Variants in MX2 observed in about 807,000 individuals in gnomAD.
The protein encoded by MX2 is MX dynamin like GTPase 2.
A neutral mutation model predicts 74.0 loss-of-function variants in MX2; 51 were observed. The ratio of observed to expected loss-of-function variants is 0.69; its 90% CI spans 0.55 to 0.87. The LOEUF is 0.87. MX2 is among the 40% of genes least tolerant of loss of function. The probability of loss-of-function intolerance (pLI) is 0.00; values close to 1 mark genes in which losing one functional copy is unlikely to be tolerated. For missense variants in MX2, 832 were observed against 908.7 expected (o/e 0.92, Z 1.09); for synonymous variants, 369 against 339.3 (o/e 1.09, Z -0.96).
chr21:41,380,065 G>A lies in MX2; in HGVS notation c.491G>A (p.Cys164Tyr). The A allele has an allele frequency of 1.2e-6, 2 of 1,614,056 alleles. No individual in the cohort carries two copies. Among genetic ancestry groups the A allele is most frequent in the Non-Finnish European group, 1.7e-6 (2 of 1,179,926 alleles). The change falls in exon 4 of 14, where the codon TGT becomes TAT. Residue 164 changes from cysteine (C) to tyrosine (Y), a missense_variant. Coordinates refer to ENST00000330714, the MANE Select transcript of MX2 (RefSeq NM_002463.2). The surrounding 1 kb of genome is among the most constrained non-coding windows in gnomAD (Gnocchi z 4.3). ...GTGCTGAAACTGAAAAAGCAGCCCTGTGAGGCATGGGCCGGAAGGATCAGC... is the reference window on the plus strand; with the variant it reads ...GTGCTGAAACTGAAAAAGCAGCCCTATGAGGCATGGGCCGGAAGGATCAGC... ...PLVLKLKKQPCEAWAGRISYR... is the reference protein window; with the variant it reads ...PLVLKLKKQPYEAWAGRISYR...
intron 2 of MX2, among the ~76,000 whole-genome samples, 196 bp downstream of exon 2, chr21:41,377,351 C>T (rs140328838): frequency 2.1e-3 from 315 of 152,354 alleles, no homozygotes; most frequent in African/African-American, 7.2e-3. Context: ...GCTGCTGCGA[C>T]GTGGGTCTGG....
In MX2 at chr21:41,402,313, A is replaced by G; in HGVS notation, c.1573+185A>G. The stretch of plus-strand genomic sequence containing the variant: ...CACTGGCAAGGCCTGAGAGCTGGTC[A>G]GAGCTACCGATTCTGCCCTTCTGCC... On this transcript the variant is annotated intron_variant, in intron 11 of 13. Transcript: ENST00000330714. This position sits in a 1 kb window ranked among gnomAD's most constrained non-coding sequence, Gnocchi z 4.5. 2 of 622,978 alleles carry G rather than the reference A, an allele frequency of 3.2e-6. No homozygotes were observed. The highest frequency in any genetic ancestry group is 6.2e-5 in the South Asian group (2 of 32,402). The allele number at this position is 622,978 out of a possible 1,614,324, so 38.6% of individuals were successfully genotyped here. A position where few individuals can be genotyped will look rare whatever the true frequency, so the allele number is the denominator to read the frequency against.
intron 7 of MX2, 102 bp downstream of exon 7, chr21:41,395,887 A>G: frequency 8.6e-7 from 1 of 1,159,236 alleles, no homozygotes; most frequent in Non-Finnish European, 1.2e-6. Flanking sequence ...CAAATTACAC[A>G]AGGTAGTATA....
Position 41,408,287 on chromosome 21 carries a change from G to T in MX2, c.*54G>T. On this transcript the variant is annotated 3_prime_UTR_variant, in exon 14 of 14. Coordinates refer to ENST00000330714, the MANE Select transcript of MX2 (RefSeq NM_002463.2). ...TGTGCGTACTCATTCATTCTAAGGGGAGTCGGTGCAGGATGCCGCTTCTGC... is the reference window on the plus strand; with the variant it reads ...TGTGCGTACTCATTCATTCTAAGGGTAGTCGGTGCAGGATGCCGCTTCTGC... The T allele has an allele frequency of 6.3e-7, 1 of 1,594,978 alleles. No individual in the cohort carries two copies. The highest frequency in any genetic ancestry group is 8.5e-7 in the Non-Finnish European group (1 of 1,170,210).
At chr21:41,372,340 A>G (rs449393) in intron 1 of MX2, among the ~76,000 whole-genome samples, 122,980 of 151,704 alleles carry the variant, frequency 0.81, 50,019 homozygotes, top group East Asian at 0.99. Flanking sequence ...GCACTCAAGG[A>G]CAGGTGTTCT....
intron 6 of MX2, among the ~76,000 whole-genome samples, chr21:41,390,954 CG>C (rs2089651139): frequency 6.6e-6 from 1 of 150,926 alleles, no homozygotes; most frequent in East Asian, 1.9e-4. Context: ...TGCAGTGAGC[CG>C]AGATCATGCC....
At position 41,382,432 on chromosome 21, in the gene MX2, T is replaced by C; in HGVS notation, c.600T>C (p.Asn200=). 1.2e-6 allele frequency: 2 copies of C among 1,614,154 alleles called. No homozygotes were observed. The highest frequency in any genetic ancestry group is 1.7e-6 in the Non-Finnish European group (2 of 1,180,042). Residue 200 remains asparagine (N), a synonymous_variant, in exon 5 of 14, where the codon AAT becomes AAC. Transcript: ENST00000330714. ...IHKAQNVMAG[N]GRGISHELIS... The stretch of plus-strand genomic sequence containing the variant: ...TAGCCCAGAACGTCATGGCCGGGAA[T>C]GGCCGGGGCATCAGCCATGAGCTCA...
chr21:41,395,996 G>A (rs1191325473), intron 7 of MX2, among the ~76,000 whole-genome samples: 2 of 152,336 alleles, frequency 1.3e-5, no homozygotes, highest in South Asian at 2.1e-4. Context: ...AAACTGGAAT[G>A]TGTCATGACA....
chr21:41,399,046 G>T, intron 9 of MX2, 27 bp downstream of exon 9: 1 of 1,605,316 alleles, frequency 6.2e-7, no homozygotes, highest in South Asian at 1.1e-5. Context: ...GACTCCACGT[G>T]ACACTGCATC....
In MX2 at chr21:41,395,706, C is replaced by G; in HGVS notation, c.991C>G (p.Gln331Glu). ...CATGATTGTGAAGTGCCGGGGCCAG[C>G]AGGAGATCACAAACAGGCTGAGCTT... is the stretch of plus-strand genomic sequence containing the variant. The part of the protein sequence containing the change: ...GYMIVKCRGQ[Q>E]EITNRLSLAE... The change falls in exon 7 of 14, where the codon CAG becomes GAG. Residue 331 changes from glutamine (Q) to glutamate (E), a missense_variant. By Grantham distance (29) the Gln-to-Glu change is conservative (BLOSUM62 2). Transcript: ENST00000330714. The G allele has an allele frequency of 6.2e-7, 1 of 1,614,192 alleles. No individual in the cohort carries two copies. Among genetic ancestry groups the G allele is most frequent in the East Asian group, 2.2e-5 (1 of 44,882 alleles).
chr21:41,403,287 A>G lies in MX2; in HGVS notation c.1594A>G (p.Ile532Val). 5 of 1,613,054 alleles carry G rather than the reference A, an allele frequency of 3.1e-6. No homozygotes were observed. Among genetic ancestry groups the G allele is most frequent in the Non-Finnish European group, 4.2e-6 (5 of 1,179,600 alleles). The change falls in exon 12 of 14, where the codon ATT becomes GTT. Residue 532 changes from isoleucine (I) to valine (V), a missense_variant. Ile to Val is a conservative substitution (Grantham distance 29). Transcript: ENST00000330714. ...GTCAGAAATTATCCAGCAAGCTTTCATTAACGTGGCCAAAAAACATTTTGG... is the reference window on the plus strand; with the variant it reads ...GTCAGAAATTATCCAGCAAGCTTTCGTTAACGTGGCCAAAAAACATTTTGG... ...KAMEIIQQAF[I>V]NVAKKHFGEF... is the part of the protein sequence containing the mutation.
rs772959749 is a variant in MX2, at chr21:41,408,238, C to T, written c.*5C>T. The T allele has an allele frequency of 8.1e-6, 13 of 1,613,052 alleles. No individual in the cohort carries two copies. The highest frequency in any genetic ancestry group is 5.0e-5 in the Admixed American group (3 of 59,940). On this transcript the variant is annotated 3_prime_UTR_variant, in exon 14 of 14. Coordinates refer to ENST00000330714, the MANE Select transcript of MX2 (RefSeq NM_002463.2). Reference sequence around the variant, plus strand: ...TCCAGCAAAGAGATCCACTGAAGGGCGGCGATGCCTGTGGTTGTTTTCTTG... The same window carrying T: ...TCCAGCAAAGAGATCCACTGAAGGGTGGCGATGCCTGTGGTTGTTTTCTTG...
At chr21:41,403,053 C>T (rs2089834516) in intron 11 of MX2, 2 of 524,138 alleles carry the variant, frequency 3.8e-6, no homozygotes, top group African/African-American at 1.9e-5. Context: ...GGGAAATGGA[C>T]AGGACCTGCC....
intron 6 of MX2, among the ~76,000 whole-genome samples, chr21:41,395,345 C>A (rs445959): frequency 0.82 from 125,202 of 152,132 alleles, 52,697 homozygotes; most frequent in East Asian, 0.97. Context: ...TAGGCATCCA[C>A]GAAATATTTG....
chr21:41,395,859 A>G (rs1170589511), intron 7 of MX2, 74 bp downstream of exon 7: 42 of 1,470,896 alleles, frequency 2.9e-5, no homozygotes, highest in Non-Finnish European at 3.7e-5. Flanking sequence ...GGCCCAGATC[A>G]TGACCAAAGT....
intron 10 of MX2, chr21:41,401,475 G>A (rs1026831600): frequency 6.6e-6 from 1 of 152,500 alleles, no homozygotes; most frequent in South Asian, 2.1e-4. Flanking sequence ...ACCCAGGCTG[G>A]AGCACAGTGG....
chr21:41,378,530 C>T lies in MX2; in HGVS notation c.442+549C>T, dbSNP rs79812203. On this transcript the variant is annotated intron_variant, in intron 3 of 13. Transcript: ENST00000330714. ...ATAAGTTTTAGGTGACAGGCGAAGC[C>T]TTCTTAAAGAATTGTCTCAATGTTT... is the stretch of plus-strand genomic sequence containing the variant. Among the ~76,000 whole-genome samples the T allele has an allele frequency of 7.4e-3, 1,127 of 152,318 alleles. 20 individuals carry two copies. Among genetic ancestry groups the T allele is most frequent in the African/African-American group, 0.026 (1,063 of 41,570 alleles).
intron 5 of MX2, among the ~76,000 whole-genome samples, chr21:41,386,587 G>C (rs1029596589): frequency 6.6e-6 from 1 of 152,176 alleles, no homozygotes; most frequent in Admixed American, 6.5e-5. Context: ...CCTGTAGTCT[G>C]TCCTAGACCT....
intron 7 of MX2, 93 bp from the exon 8 acceptor site, chr21:41,397,520 G>T: frequency 8.9e-7 from 1 of 1,119,718 alleles, no homozygotes. Flanking sequence ...TGTTGCCCCG[G>T]GGAGCTGGGC....
Sources: allele counts gnomAD v4.1 joint callset (sites outside exome capture counted in the v4.1 genomes callset), GRCh38; gene constraint gnomAD v4.1.1; non-coding constraint Gnocchi (gnomAD v3.1); transcripts MANE v1.5; gene names NCBI Gene and HGNC (gene_info 2026-07-23, HGNC 2026-07-21).